Variants in RAB39A observed in about 807,000 individuals in gnomAD.
RAB39A encodes the protein ras-related protein Rab-39A.
RAB39A carries 17 observed loss-of-function variants against 20.9 expected under a neutral mutation model. That is an observed-to-expected ratio of 0.81 (90% CI 0.56 to 1.22). RAB39A has a LOEUF of 1.22. RAB39A is among the 50% of genes most tolerant of loss of function. The pLI, the probability that RAB39A is intolerant of heterozygous loss-of-function variation, is 0.00. For synonymous variants in RAB39A, 99 were observed against 103.4 expected (o/e 0.96, Z 0.26); for missense variants, 234 against 270.5 (o/e 0.87, Z 0.95).
intron 1 of RAB39A, among the ~76,000 whole-genome samples, chr11:107,931,353 CAGT>C (rs1591239572): frequency 6.6e-6 from 1 of 152,316 alleles, no homozygotes; most frequent in East Asian, 1.9e-4. Flanking sequence ...TAAAACCAAA[CAGT>C]AACTCTCGCA....
At chr11:107,951,899 T>C (rs2134968990) in intron 1 of RAB39A, among the ~76,000 whole-genome samples, 1 of 152,318 alleles carries the variant, frequency 6.6e-6, no homozygotes, top group South Asian at 2.1e-4. Context: ...TAATCTGAGA[T>C]ATCATTTACA....
chr11:107,932,489 G>A (rs1861148734), intron 1 of RAB39A, among the ~76,000 whole-genome samples: 2 of 152,192 alleles, frequency 1.3e-5, no homozygotes, highest in South Asian at 2.1e-4. Flanking sequence ...AGCACACTGT[G>A]TGTCAGTTCA....
chr11:107,931,020 A>G (rs949047264), intron 1 of RAB39A, among the ~76,000 whole-genome samples: 2 of 145,614 alleles, frequency 1.4e-5, no homozygotes, highest in African/African-American at 5.1e-5. Context: ...CTTGTGGCCC[A>G]GGCTGGAGTG....
At chr11:107,947,702 G>A (rs1376831728) in intron 1 of RAB39A, among the ~76,000 whole-genome samples, 1 of 142,692 alleles carries the variant, frequency 7.0e-6, no homozygotes, top group East Asian at 2.2e-4. Context: ...AAAAAAGATC[G>A]ATCAGGAATC....
chr11:107,945,138 T>A (rs1424233478), intron 1 of RAB39A, among the ~76,000 whole-genome samples: 1 of 150,110 alleles, frequency 6.7e-6, no homozygotes, highest in East Asian at 2.0e-4. Flanking sequence ...GAGCCAAGAT[T>A]GTGCCACTAC....
chr11:107,949,394 G>A (rs1369547436), intron 1 of RAB39A, among the ~76,000 whole-genome samples: 2 of 152,070 alleles, frequency 1.3e-5, no homozygotes, highest in Non-Finnish European at 2.9e-5. Context: ...AAAATGAAAT[G>A]AGAAAAAGAT....
intron 1 of RAB39A, among the ~76,000 whole-genome samples, chr11:107,955,499 C>T (rs1861425174): frequency 6.6e-6 from 1 of 152,112 alleles, no homozygotes; most frequent in South Asian, 2.1e-4. Flanking sequence ...AGCTAGCAAG[C>T]TTTTGGGTTT....
At chr11:107,933,949 C>T (rs1861166949) in intron 1 of RAB39A, among the ~76,000 whole-genome samples, 1 of 152,148 alleles carries the variant, frequency 6.6e-6, no homozygotes, top group Non-Finnish European at 1.5e-5. Flanking sequence ...AGCCACCGCA[C>T]CCAGCCTGTG....
intron 1 of RAB39A, among the ~76,000 whole-genome samples, chr11:107,931,268 C>A (rs1162174781): frequency 6.6e-6 from 1 of 152,132 alleles, no homozygotes; most frequent in Non-Finnish European, 1.5e-5. Context: ...CGTGAGCCAC[C>A]GCGCCTGGCC....
At chr11:107,940,849 T>A (rs530141707) in intron 1 of RAB39A, among the ~76,000 whole-genome samples, 12 of 152,064 alleles carry the variant, frequency 7.9e-5, no homozygotes, top group South Asian at 2.1e-4. Flanking sequence ...GGCATGTGCC[T>A]GTAGTCCCAG....
chr11:107,931,335 T>C (rs1048211515), intron 1 of RAB39A, among the ~76,000 whole-genome samples: 9 of 152,228 alleles, frequency 5.9e-5, no homozygotes, highest in Non-Finnish European at 1.5e-5. Context: ...TCATTTTATG[T>C]ACATTATTAA....
At chr11:107,943,681 T>A (rs1861281815) in intron 1 of RAB39A, among the ~76,000 whole-genome samples, 1 of 152,144 alleles carries the variant, frequency 6.6e-6, no homozygotes, top group South Asian at 2.1e-4. Context: ...AAATAAGTTA[T>A]AGTCTCACAT....
chr11:107,942,005 A>G (rs1309291494), intron 1 of RAB39A, among the ~76,000 whole-genome samples: 1 of 148,910 alleles, frequency 6.7e-6, no homozygotes, highest in Non-Finnish European at 1.5e-5. Flanking sequence ...AGGCTGAGGC[A>G]GGAGAATCGC....
At chr11:107,940,589 A>G (rs142486233) in intron 1 of RAB39A, among the ~76,000 whole-genome samples, 1 of 152,164 alleles carries the variant, frequency 6.6e-6, no homozygotes, top group Non-Finnish European at 1.5e-5. Context: ...CTACAAGCTT[A>G]TACTTCATGA....
At chr11:107,946,370 A>G (rs577891226) in intron 1 of RAB39A, among the ~76,000 whole-genome samples, 2 of 137,568 alleles carry the variant, frequency 1.5e-5, no homozygotes, top group Admixed American at 7.3e-5. Context: ...ACATATATAT[A>G]CACACATATA....
intron 1 of RAB39A, among the ~76,000 whole-genome samples, chr11:107,946,622 G>A (rs1183134625): frequency 2.7e-5 from 4 of 149,062 alleles, no homozygotes; most frequent in Admixed American, 6.7e-5. Flanking sequence ...ACAGGCGCCC[G>A]CCACCACGCC....
chr11:107,950,334 A>G (rs536162955), intron 1 of RAB39A, among the ~76,000 whole-genome samples: 1 of 152,256 alleles, frequency 6.6e-6, no homozygotes, highest in Admixed American at 6.5e-5. Context: ...TTATTCTCCC[A>G]TTTCCTCAGC....
intron 1 of RAB39A, among the ~76,000 whole-genome samples, chr11:107,939,471 C>T (rs1386346958): frequency 6.0e-5 from 9 of 150,690 alleles, no homozygotes; most frequent in Non-Finnish European, 1.0e-4. Flanking sequence ...AAAAATTAGC[C>T]GGGCATGGTG....
intron 1 of RAB39A, among the ~76,000 whole-genome samples, chr11:107,930,448 T>C (rs1432662152): frequency 1.3e-5 from 2 of 152,148 alleles, no homozygotes; most frequent in Non-Finnish European, 2.9e-5. Context: ...TGACCCCCCC[T>C]CTGAAGTGAA....
Sources: allele counts gnomAD v4.1 joint callset (sites outside exome capture counted in the v4.1 genomes callset), GRCh38; gene constraint gnomAD v4.1.1; transcripts MANE v1.5; gene names NCBI Gene and HGNC (gene_info 2026-07-23, HGNC 2026-07-21).